PALD1: variants seen among roughly 807,000 people sequenced by gnomAD.
PALD1 encodes paladin.
In PALD1, 57 loss-of-function variants were observed where a neutral mutation model predicts 96.0. The observed-to-expected ratio is 0.59, with a 90% CI of 0.48 to 0.74. The LOEUF (loss-of-function observed/expected upper bound fraction) is 0.74, where lower values mean the gene tolerates loss of function less well. PALD1 is among the 30% of genes least tolerant of loss of function. The pLI, the probability that PALD1 is intolerant of heterozygous loss-of-function variation, is 0.00. For missense variants in PALD1, 1,063 were observed against 1,143.7 expected, an observed-to-expected ratio of 0.93 and a Z score of 1.02; for synonymous variants, 464 against 473.6, an observed-to-expected ratio of 0.98 and a Z score of 0.26.
chr10:70,564,415 C>T lies in PALD1; in HGVS notation c.2314C>T (p.Leu772=). Residue 772 remains leucine (L), a synonymous_variant, in exon 19 of 20, where the codon CTG becomes TTG. Coordinates refer to ENST00000263563, the MANE Select transcript of PALD1 (RefSeq NM_014431.3). ...AATGCGGAGGCTGCAGCTGCGGAGC[C>T]TGCAGTACTTGGAGCGCTATGTCTG... is the stretch of plus-strand genomic sequence containing the variant. The part of the protein sequence containing the change: ...QEMRRLQLRS[L]QYLERYVCLI... 6.2e-7 allele frequency: 1 copy of T among 1,614,162 alleles called. No homozygotes were observed.
chr10:70,533,189 T>A (rs776981391), intron 7 of PALD1, 119 bp downstream of exon 7: 7 of 793,340 alleles, frequency 8.8e-6, no homozygotes, highest in Non-Finnish European at 1.5e-5. Context: ...GTGTTGTGTA[T>A]GTGAGCATGT....
rs775563248 is a variant in PALD1, at chr10:70,566,719, G to A, written c.2557G>A (p.Glu853Lys). Residue 853 changes from glutamate (E) to lysine (K), a missense_variant, in exon 20 of 20, where the codon GAG (glutamate) becomes AAG (lysine). Transcript: ENST00000263563. ...CTGCAGCCTCGAGCCCTCTGCCCCCGAGGACTTGCTGTAGGGGGCCTTACT... is the reference window on the plus strand; with the variant it reads ...CTGCAGCCTCGAGCCCTCTGCCCCCAAGGACTTGCTGTAGGGGGCCTTACT... ...QSCSLEPSAP[E>K]DLL 6.3e-6 allele frequency: 10 copies of A among 1,597,634 alleles called. No homozygotes were observed. The East Asian group carries it at 1.1e-4, about 18-fold the overall frequency.
At chr10:70,531,224 G>C (rs1224841782) in intron 4 of PALD1, 66 bp from the exon 5 acceptor site, 4 of 1,376,894 alleles carry the variant, frequency 2.9e-6, no homozygotes, top group African/African-American at 2.8e-5. Flanking sequence ...CCTGAGGTGG[G>C]GCAGTGGTGC....
chr10:70,500,427 G>T, intron 1 of PALD1, among the ~76,000 whole-genome samples: 1 of 152,214 alleles, frequency 6.6e-6, no homozygotes, highest in African/African-American at 2.4e-5. Flanking sequence ...ACTGGGGTTC[G>T]GCCTACCCCA....
Position 70,566,286 on chromosome 10 carries a change from C to A in PALD1, c.2419-295C>A, listed in dbSNP as rs138257426. 3.7e-3 allele frequency among the ~76,000 whole-genome samples: 558 copies of A among 152,310 alleles called. 2 individuals carry two copies. Among genetic ancestry groups the A allele is most frequent in the African/African-American group, 0.013 (543 of 41,566 alleles). ...CTCCTGGGCGTCCACGTGGGAGCAT[C>A]GAGCTGCACAGGGCCCAGTGTGTGC... On this transcript the variant is annotated intron_variant, in intron 19 of 19. Transcript: ENST00000263563.
chr10:70,463,508 C>A, the PALD1 span, among the ~76,000 whole-genome samples: 4 of 151,966 alleles, frequency 2.6e-5, no homozygotes, highest in Non-Finnish European at 5.9e-5. Flanking sequence ...CATAATTCTA[C>A]CTGCTCTAGA....
chr10:70,492,815 C>T (rs976872420), intron 1 of PALD1, among the ~76,000 whole-genome samples: 1 of 152,282 alleles, frequency 6.6e-6, no homozygotes, highest in East Asian at 1.9e-4. Flanking sequence ...ATGATTACAT[C>T]AAGGAGCATC....
At chr10:70,506,462 G>C (rs969184328) in intron 1 of PALD1, among the ~76,000 whole-genome samples, 5 of 152,184 alleles carry the variant, frequency 3.3e-5, no homozygotes, top group African/African-American at 9.7e-5. Flanking sequence ...AGAACTGTAG[G>C]ATTAGATGAC....
At chr10:70,482,618 C>T (rs7920307) in intron 1 of PALD1, among the ~76,000 whole-genome samples, 107,248 of 151,874 alleles carry the variant, frequency 0.71, 39,361 homozygotes, top group Non-Finnish European at 0.83. Flanking sequence ...ACATCTGCCT[C>T]GACCATCTTC....
intron 1 of PALD1, among the ~76,000 whole-genome samples, chr10:70,496,997 T>A (rs1846205372): frequency 2.2e-5 from 3 of 134,262 alleles, no homozygotes; most frequent in Admixed American, 2.2e-4. Context: ...TAGGGGGGCT[T>A]CTGGAGGGCC....
At chr10:70,537,397 C>T (rs1042530116) in intron 10 of PALD1, among the ~76,000 whole-genome samples, 1 of 152,246 alleles carries the variant, frequency 6.6e-6, no homozygotes, top group African/African-American at 2.4e-5. Context: ...AGCCACCGCA[C>T]CCAGCCAGGT....
chr10:70,458,564 G>A, the PALD1 span, among the ~76,000 whole-genome samples: 1 of 152,222 alleles, frequency 6.6e-6, no homozygotes, highest in African/African-American at 2.4e-5. Context: ...GCTGGAGGCG[G>A]CAGTGAGTGT....
intron 18 of PALD1, among the ~76,000 whole-genome samples, chr10:70,552,737 A>G (rs1847506832): frequency 6.6e-6 from 1 of 152,210 alleles, no homozygotes; most frequent in African/African-American, 2.4e-5. Context: ...TAAACAATGG[A>G]CAGTCGCTAC....
rs531676422 is a variant in PALD1, at chr10:70,532,265, T to C, written c.634-356T>C. Among the ~76,000 whole-genome samples, 190 of 152,308 alleles carry C rather than the reference T, an allele frequency of 1.2e-3. 1 individual carries two copies. Among genetic ancestry groups the C allele is most frequent in the Non-Finnish European group, 2.2e-3 (149 of 68,024 alleles). On this transcript the variant is annotated intron_variant, in intron 5 of 19. Coordinates refer to ENST00000263563, the MANE Select transcript of PALD1 (RefSeq NM_014431.3). ...ACTTCCAGGTCAGGAACCGAGGCCA[T>C]GCCGGCGCCCAGCTCTTTGCCTCTC...
chr10:70,548,030 G>T (rs1028422322), intron 18 of PALD1, among the ~76,000 whole-genome samples: 57 of 145,480 alleles, frequency 3.9e-4, no homozygotes, highest in African/African-American at 1.3e-3. Context: ...TTTTGGCCAG[G>T]TGCAGTGGCT....
intron 1 of PALD1, among the ~76,000 whole-genome samples, chr10:70,502,129 A>G (rs934843323): frequency 6.0e-5 from 9 of 149,996 alleles, no homozygotes; most frequent in African/African-American, 2.3e-4. Flanking sequence ...TGAGACCCTC[A>G]TCTCTACAAA....
chr10:70,527,380 G>A (rs1846889953), intron 2 of PALD1, among the ~76,000 whole-genome samples: 1 of 152,186 alleles, frequency 6.6e-6, no homozygotes, highest in Admixed American at 6.5e-5. Context: ...TGTTTGAAGT[G>A]GAAGGGACCT....
chr10:70,522,507 C>T (rs1461385270), intron 1 of PALD1, among the ~76,000 whole-genome samples: 4 of 152,146 alleles, frequency 2.6e-5, no homozygotes, highest in South Asian at 2.1e-4. Flanking sequence ...GTATCGTAAG[C>T]GACATTTCCA....
chr10:70,495,601 T>G lies in PALD1; in HGVS notation c.-30+16542T>G, dbSNP rs967023419. On this transcript the variant is annotated intron_variant, in intron 1 of 19. Coordinates refer to ENST00000263563, the MANE Select transcript of PALD1 (RefSeq NM_014431.3). ...TGTCCTGTTAAGGGCAAAAGCTTGT[T>G]GCACAAGGAAGCTTAAGAGGTGGGC... Among the ~76,000 whole-genome samples the G allele has an allele frequency of 2.6e-5, 4 of 152,136 alleles. No homozygotes were observed. The East Asian group carries it at 7.7e-4, about 29-fold the overall frequency.
Sources: gnomAD v4.1 joint callset for allele counts (sites outside exome capture counted in the v4.1 genomes callset) on GRCh38, gnomAD v4.1.1 for gene constraint, MANE v1.5 for transcripts, NCBI Gene and HGNC (gene_info 2026-07-23, HGNC 2026-07-21) for gene names.